The following TUSC3 variants were observed in gnomAD, a reference collection of about 807,000 sequenced individuals.
TUSC3 encodes dolichyl-diphosphooligosaccharide--protein glycosyltransferase subunit TUSC3.
Under a neutral mutation model 44.8 loss-of-function variants are expected in TUSC3, and 45 were observed. The observed-to-expected ratio is 1.00, with a 90% CI of 0.79 to 1.29. The LOEUF is 1.29. Among genes scored for constraint, TUSC3 ranks in the 50% most tolerant of loss-of-function variants. The pLI is 0.00. For missense variants in TUSC3, 519 were observed against 437.9 expected (o/e 1.19, Z -1.65); for synonymous variants, 212 against 152.9 (o/e 1.39, Z -2.85).
intron 1 of TUSC3, among the ~76,000 whole-genome samples, chr8:15,570,265 TACAC>T (rs3070896): frequency 0.21 from 30,416 of 147,842 alleles, 3,014 homozygotes; most frequent in South Asian, 0.24. Context: ...TAATGTATTT[TACAC>T]ACACACACAC....
chr8:15,704,215 C>G (rs185283647), intron 6 of TUSC3, among the ~76,000 whole-genome samples: 1 of 148,024 alleles, frequency 6.8e-6, no homozygotes, highest in East Asian at 2.0e-4. Context: ...GAAGATGGAA[C>G]AGCAAGTGCA....
chr8:15,820,392 A>G, the TUSC3 span, among the ~76,000 whole-genome samples: 21 of 149,046 alleles, frequency 1.4e-4, no homozygotes, highest in African/African-American at 4.7e-4. Context: ...GCTCACTGCA[A>G]CCTCCACTTA....
chr8:15,563,571 A>C (rs536738496), intron 1 of TUSC3, among the ~76,000 whole-genome samples: 5 of 151,624 alleles, frequency 3.3e-5, no homozygotes, highest in Admixed American at 2.0e-4. Context: ...CTGTAATACC[A>C]GCTACTCAGG....
intron 6 of TUSC3, among the ~76,000 whole-genome samples, chr8:15,729,922 C>T (rs1201707225): frequency 2.6e-5 from 4 of 151,312 alleles, no homozygotes; most frequent in African/African-American, 9.7e-5. Flanking sequence ...TACAATTATA[C>T]ATCATAAATG....
chr8:15,671,407 TAAC>T (rs1252926620), intron 5 of TUSC3, among the ~76,000 whole-genome samples: 1 of 152,004 alleles, frequency 6.6e-6, no homozygotes, highest in Non-Finnish European at 1.5e-5. Flanking sequence ...TATCAGTTGT[TAAC>T]AACCAAAAAA....
chr8:15,820,688 G>T, the TUSC3 span, among the ~76,000 whole-genome samples: 181 of 152,260 alleles, frequency 1.2e-3, 1 homozygote, highest in Non-Finnish European at 1.3e-3. Flanking sequence ...TTCAAAAGGA[G>T]TTAAGTAGTA....
At chr8:15,567,996 C>T (rs559341321) in intron 1 of TUSC3, among the ~76,000 whole-genome samples, 1 of 152,016 alleles carries the variant, frequency 6.6e-6, no homozygotes, top group Non-Finnish European at 1.5e-5. Context: ...GTTAACAACC[C>T]CCTTTTCTAT....
intron 1 of TUSC3, among the ~76,000 whole-genome samples, chr8:15,604,615 G>T (rs1405402951): frequency 6.6e-6 from 1 of 151,658 alleles, no homozygotes; most frequent in Non-Finnish European, 1.5e-5. Context: ...GGTACATATG[G>T]GTTACTGAAT....
intron 2 of TUSC3, among the ~76,000 whole-genome samples, chr8:15,528,577 G>C (rs1801407894): frequency 1.3e-5 from 2 of 152,134 alleles, no homozygotes; most frequent in Middle Eastern, 6.3e-3. Flanking sequence ...ACCTAACAAG[G>C]ATAGCAAAAT....
the TUSC3 span, among the ~76,000 whole-genome samples, chr8:15,820,123 T>A: frequency 6.6e-6 from 1 of 152,198 alleles, no homozygotes; most frequent in Non-Finnish European, 1.5e-5. Flanking sequence ...CATATCCCAC[T>A]TCTTTATTCT....
At chr8:15,649,185 C>T (rs941144544) in intron 2 of TUSC3, among the ~76,000 whole-genome samples, 1 of 152,104 alleles carries the variant, frequency 6.6e-6, no homozygotes, top group East Asian at 1.9e-4. Context: ...TTTAAGAAAT[C>T]ACATAAGGTT....
chr8:15,586,117 A>T (rs377314597), intron 1 of TUSC3, among the ~76,000 whole-genome samples: 1 of 152,124 alleles, frequency 6.6e-6, no homozygotes, highest in Non-Finnish European at 1.5e-5. Flanking sequence ...CTAAATAATT[A>T]TGTTCATATA....
intron 6 of TUSC3, among the ~76,000 whole-genome samples, chr8:15,686,578 G>A (rs1808638275): frequency 6.6e-6 from 1 of 151,620 alleles, no homozygotes; most frequent in African/African-American, 2.4e-5. Flanking sequence ...TTTTGCACAT[G>A]CTAGGTCTTT....
chr8:15,803,123 T>C, the TUSC3 span, among the ~76,000 whole-genome samples: 6 of 152,196 alleles, frequency 3.9e-5, no homozygotes, highest in African/African-American at 1.4e-4. Flanking sequence ...CTTCATAATG[T>C]TGGTCATCAT....
intron 1 of TUSC3, among the ~76,000 whole-genome samples, chr8:15,572,317 A>AC (rs1802908386): frequency 6.6e-6 from 1 of 152,096 alleles, no homozygotes; most frequent in African/African-American, 2.4e-5. Flanking sequence ...AACCTCATGA[A>AC]CCAACCTCTG....
At chr8:15,550,134 A>G (rs1585091630) in intron 1 of TUSC3, among the ~76,000 whole-genome samples, 2 of 151,812 alleles carry the variant, frequency 1.3e-5, no homozygotes, top group Admixed American at 6.6e-5. Flanking sequence ...AATGTCTGTA[A>G]TCATAGCCGA....
intron 7 of TUSC3, among the ~76,000 whole-genome samples, chr8:15,731,922 G>T (rs1167972621): frequency 6.6e-6 from 1 of 152,146 alleles, no homozygotes; most frequent in Non-Finnish European, 1.5e-5. Flanking sequence ...GGTATATAGT[G>T]ATTACGGTAT....
At chr8:15,612,555 C>T (rs1176866160) in intron 1 of TUSC3, among the ~76,000 whole-genome samples, 1 of 151,950 alleles carries the variant, frequency 6.6e-6, no homozygotes, top group African/African-American at 2.4e-5. Context: ...TAGATTATGC[C>T]AGCTTGTTTA....
the TUSC3 span, among the ~76,000 whole-genome samples, chr8:15,818,161 T>C: frequency 2.9e-3 from 438 of 152,340 alleles, 11 homozygotes; most frequent in East Asian, 0.076. Flanking sequence ...CAGGGGATGA[T>C]GTCAAGACAA....
Sources: allele counts gnomAD v4.1 joint callset (sites outside exome capture counted in the v4.1 genomes callset), GRCh38; gene constraint gnomAD v4.1.1; transcripts MANE v1.5; gene names NCBI Gene and HGNC (gene_info 2026-07-23, HGNC 2026-07-21).